The following BEND2 variants were observed in gnomAD, a reference collection of about 807,000 sequenced individuals.
The protein encoded by BEND2 is BEN domain-containing protein 2.
Under a neutral mutation model 43.8 loss-of-function variants are expected in BEND2, and 19 were observed. The observed-to-expected ratio is 0.43, with a 90% CI of 0.30 to 0.64. The LOEUF (loss-of-function observed/expected upper bound fraction) is 0.64, where lower values mean the gene tolerates loss of function less well. Among genes scored for constraint, BEND2 ranks in the 30% least tolerant of loss-of-function variants. The pLI, the probability that BEND2 is intolerant of heterozygous loss-of-function variation, is 0.11. For synonymous variants in BEND2, 226 were observed against 210.1 expected (o/e 1.08, Z -0.66); for missense variants, 544 against 574.0 (o/e 0.95, Z 0.53).
chrX:18,175,216 C>G (rs1018619637), intron 11 of BEND2, among the ~76,000 whole-genome samples: 1 of 111,817 alleles, frequency 8.9e-6, no homozygotes, highest in Non-Finnish European at 1.9e-5. Flanking sequence ...AACCCGTTCA[C>G]CAGGGAAACA....
intron 9 of BEND2, among the ~76,000 whole-genome samples, chrX:18,179,822 C>A (rs1414266535): frequency 8.9e-6 from 1 of 112,549 alleles, no homozygotes; most frequent in African/African-American, 3.2e-5. Flanking sequence ...AGCCACAGAG[C>A]TTGGGGTCCC....
At chrX:18,184,973 A>G (rs919864573) in intron 8 of BEND2, among the ~76,000 whole-genome samples, 7 of 110,008 alleles carry the variant, frequency 6.4e-5, no homozygotes, top group African/African-American at 2.3e-4. Flanking sequence ...AGATTGAAAT[A>G]AAAAGTATCA....
At chrX:18,215,226 C>T in intron 2 of BEND2, among the ~76,000 whole-genome samples, 1 of 111,777 alleles carries the variant, frequency 8.9e-6, no homozygotes, top group Non-Finnish European at 1.9e-5. Context: ...TCCTCACTAT[C>T]TATACCCAAA....
Position 18,207,081 on chromosome X carries a change from A to C in BEND2, c.493-3166T>G, listed in dbSNP as rs181579924. 3.7e-3 allele frequency among the ~76,000 whole-genome samples: 412 copies of C among 110,415 alleles called. 2 individuals carry two copies. Among genetic ancestry groups the C allele is most frequent in the African/African-American group, 0.013 (404 of 30,355 alleles). Reference sequence around the variant, plus strand: ...GAGGGGGACCCTGGCCTAGCAGTGCAGGGGGAGGTAGGCTAGGGAGAACCT... The same window carrying C: ...GAGGGGGACCCTGGCCTAGCAGTGCCGGGGGAGGTAGGCTAGGGAGAACCT... On this transcript the variant is annotated intron_variant, in intron 4 of 13. Transcript: ENST00000380033.
At chrX:18,198,753 T>G (rs1326559629) in intron 6 of BEND2, among the ~76,000 whole-genome samples, 2 of 107,940 alleles carry the variant, frequency 1.9e-5, no homozygotes, top group Non-Finnish European at 3.8e-5. Context: ...ACATGCACAC[T>G]TATGTTTATC....
intron 2 of BEND2, among the ~76,000 whole-genome samples, chrX:18,214,524 C>A (rs1363663155): frequency 9.1e-6 from 1 of 110,400 alleles, no homozygotes; most frequent in Non-Finnish European, 1.9e-5. Context: ...CATAGACTTC[C>A]ATAAAAAGTT....
chrX:18,179,252 G>A (rs180957070), intron 9 of BEND2, among the ~76,000 whole-genome samples: 6 of 92,110 alleles, frequency 6.5e-5, no homozygotes, highest in Admixed American at 4.2e-4. Context: ...TCAAACTTCC[G>A]GGCTGCTCAA....
chrX:18,177,734 G>A lies in BEND2; in HGVS notation c.1465C>T (p.Leu489Phe). 1 of 1,209,997 alleles carries A rather than the reference G, an allele frequency of 8.3e-7. No homozygotes were observed. The highest frequency in any genetic ancestry group is 1.1e-6 in the Non-Finnish European group (1 of 894,246). ...LGDPKRNVRV[L>F]KIHLLAVQNM... ...TGTACGGCCAGCAAATGGATTTTAA[G>A]TACTCTGACATTTCTTTTTGGATCA... is the stretch of plus-strand genomic sequence containing the variant. Residue 489 changes from leucine to phenylalanine, a missense_variant, in exon 10 of 14, where the codon CTT becomes TTT. By Grantham distance (22) the Leu-to-Phe change is conservative. This residue lies in a region of BEND2 where 501 missense variants were observed against 501.6 expected (regional missense o/e 1.00). Transcript: ENST00000380033.
chrX:18,220,565 G>A (rs1315360843), intron 1 of BEND2, among the ~76,000 whole-genome samples, 161 bp downstream of exon 1: 1 of 112,344 alleles, frequency 8.9e-6, no homozygotes, highest in African/African-American at 3.2e-5. Flanking sequence ...TGAGCAATCG[G>A]CGGCAGATGG....
chrX:18,177,492 C>T (rs1048272659), intron 10 of BEND2, 77 bp downstream of exon 10: 2 of 1,004,370 alleles, frequency 2.0e-6, no homozygotes, highest in Non-Finnish European at 2.8e-6. Flanking sequence ...GTTATTCCTT[C>T]AACTGCCAAT....
rs1021185151 is a variant in BEND2 at position 18,191,068 on chromosome X, T to A, written c.1221A>T (p.Ser407=). The A allele has an allele frequency of 8.3e-7, 1 of 1,208,150 alleles. No homozygotes were observed. The highest frequency in any genetic ancestry group is 1.8e-5 in the African/African-American group (1 of 57,130). ...GGTCACAGTTATTTTTCATTTCAGT[T>A]GAGTAACTCATTGTCCCATAACTCA... The part of the protein sequence containing the change: ...PQMSYGTMSY[S]TEMKNNCDQD... Residue 407 remains serine (S), a synonymous_variant, in exon 8 of 14, where the codon TCA becomes TCT. Coordinates refer to ENST00000380033, the MANE Select transcript of BEND2 (RefSeq NM_153346.5).
intron 8 of BEND2, among the ~76,000 whole-genome samples, chrX:18,182,648 A>C (rs1442582016): frequency 1.8e-5 from 2 of 111,631 alleles, no homozygotes; most frequent in Non-Finnish European, 3.8e-5. Flanking sequence ...AGTGTCTCAA[A>C]ATACATAAAG....
intron 9 of BEND2, among the ~76,000 whole-genome samples, chrX:18,180,304 G>A (rs1401610484): frequency 1.8e-5 from 2 of 112,759 alleles, no homozygotes; most frequent in African/African-American, 6.4e-5. Flanking sequence ...GTCATTATGG[G>A]TATAAGTGAA....
In BEND2 at chrX:18,190,595, G is replaced by C. The variant is rs1924732508; in HGVS notation, c.1288+406C>G. Among the ~76,000 whole-genome samples, 3 of 111,350 alleles carry C rather than the reference G, an allele frequency of 2.7e-5. No individual in the cohort carries two copies. The South Asian group carries it at 1.1e-3, about 43-fold the overall frequency. On this transcript the variant is annotated intron_variant, in intron 8 of 13. Coordinates refer to ENST00000380033, the MANE Select transcript of BEND2 (RefSeq NM_153346.5). ...TGGAATAAAGATGAGGCCAGGCAGG[G>C]AATGACATGAAGGAGTAGATATGGT...
Position 18,176,980 on chromosome X carries a change from C to G in BEND2, c.1630+589G>C, listed in dbSNP as rs993546566. Among the ~76,000 whole-genome samples, 8 of 110,153 alleles carry G rather than the reference C, an allele frequency of 7.3e-5. 1 individual carries two copies. Among genetic ancestry groups the G allele is most frequent in the African/African-American group, 2.6e-4 (8 of 30,241 alleles). ...CTCAAAGCAGCTGCTCTGAGCTTCC[C>G]CAACACTACCACACTGGACTGGGAT... On this transcript the variant is annotated intron_variant, in intron 10 of 13. Transcript: ENST00000380033.
At chrX:18,184,398 C>G (rs372663753) in intron 8 of BEND2, among the ~76,000 whole-genome samples, 57 of 112,055 alleles carry the variant, frequency 5.1e-4, no homozygotes, top group African/African-American at 1.7e-3. Flanking sequence ...AGGAGAATCT[C>G]TTGAGCCCGG....
intron 10 of BEND2, among the ~76,000 whole-genome samples, chrX:18,176,971 T>G (rs1924182819): frequency 9.1e-6 from 1 of 110,290 alleles, no homozygotes; most frequent in Admixed American, 9.7e-5. Flanking sequence ...GCAGCTGCTC[T>G]GAGCTTCCCC....
At chrX:18,171,346 TTTTA>T (rs1364922038) in intron 12 of BEND2, 142 bp from the exon 13 acceptor site, 1 of 648,533 alleles carries the variant, frequency 1.5e-6, no homozygotes, top group Non-Finnish European at 2.3e-6. Context: ...GGCCTTACAT[TTTTA>T]TTTATTTTAA....
intron 6 of BEND2, among the ~76,000 whole-genome samples, chrX:18,195,796 G>A (rs1309894492): frequency 2.8e-5 from 3 of 108,891 alleles, no homozygotes; most frequent in African/African-American, 1.0e-4. Context: ...AGGGTCACCT[G>A]AGCCCGGGAA....
Sources: allele counts gnomAD v4.1 joint callset (sites outside exome capture counted in the v4.1 genomes callset), GRCh38; gene constraint gnomAD v4.1.1; regional missense constraint gnomAD v4.1.1; transcripts MANE v1.5; gene names NCBI Gene and HGNC (gene_info 2026-07-23, HGNC 2026-07-21).